PWWP2B: variants seen among roughly 807,000 people sequenced by gnomAD.
PWWP2B encodes PWWP domain containing 2B, also known as PWWP domain-containing protein 2B.
PWWP2B carries 9 observed loss-of-function variants against 15.5 expected under a neutral mutation model. The observed-to-expected ratio is 0.58, with a 90% CI of 0.35 to 1.02. The LOEUF is 1.02. PWWP2B is among the 50% of genes least tolerant of loss of function. The pLI is 0.02. For missense variants in PWWP2B, 864 were observed against 865.3 expected, an observed-to-expected ratio of 1.00 and a Z score of 0.02; for synonymous variants, 474 against 403.6, an observed-to-expected ratio of 1.17 and a Z score of -2.09.
intron 1 of PWWP2B, among the ~76,000 whole-genome samples, chr10:132,401,634 C>T (rs1373016020): frequency 6.6e-6 from 1 of 152,260 alleles, no homozygotes; most frequent in Non-Finnish European, 1.5e-5. Context: ...AAGGACCACT[C>T]TTCACGTCCC....
At chr10:132,409,958 G>C (rs1381103051) in intron 2 of PWWP2B, among the ~76,000 whole-genome samples, 1 of 152,160 alleles carries the variant, frequency 6.6e-6, no homozygotes, top group Non-Finnish European at 1.5e-5. Flanking sequence ...TGTTCCAGGG[G>C]TTGCGGAGGT....
chr10:132,402,107 G>A (rs562777861), intron 1 of PWWP2B, among the ~76,000 whole-genome samples: 26 of 152,366 alleles, frequency 1.7e-4, no homozygotes, highest in African/African-American at 6.0e-4. Context: ...GGTCCCAAAG[G>A]GGATGGCAAA....
In PWWP2B at chr10:132,412,315, T is replaced by G. The variant is rs368464315; in HGVS notation, c.*17-4746T>G. ...GCGGACCTGTTGCCAGACCTCCTACTTGCTTCCTGGGTCTCACCTTCAGCT... is the reference window on the plus strand; with the variant it reads ...GCGGACCTGTTGCCAGACCTCCTACGTGCTTCCTGGGTCTCACCTTCAGCT... On this transcript the variant is annotated intron_variant, in intron 2 of 2. Coordinates refer to ENST00000305233, the MANE Select transcript of PWWP2B (RefSeq NM_138499.4). Among the ~76,000 whole-genome samples, 34 of 152,334 alleles carry G rather than the reference T, an allele frequency of 2.2e-4. No homozygotes were observed. In the South Asian group the frequency reaches 7.0e-3, roughly 32 times the overall value.
chr10:132,403,547 G>T (rs1265698587), intron 1 of PWWP2B, among the ~76,000 whole-genome samples: 1 of 152,250 alleles, frequency 6.6e-6, no homozygotes, highest in Non-Finnish European at 1.5e-5. Context: ...CGGGGACATT[G>T]GCTGCACTTG....
Position 132,417,762 on chromosome 10 carries a change from A to G in PWWP2B, c.*718A>G, listed in dbSNP as rs992349262. 3 of 152,312 alleles carry G rather than the reference A, an allele frequency of 2.0e-5. No homozygotes were observed. Among genetic ancestry groups the G allele is most frequent in the African/African-American group, 4.8e-5 (2 of 41,474 alleles). The allele number at this position is 152,312 out of a possible 1,614,324, so 9.4% of individuals were successfully genotyped here. A position where few individuals can be genotyped will look rare whatever the true frequency, so the allele number is the denominator to read the frequency against. The stretch of plus-strand genomic sequence containing the variant: ...CTGGGAAACCGGGCTTCAACAGTAC[A>G]AGGAAAAGAAACTTGCTCTGTTTTG... On this transcript the variant is annotated 3_prime_UTR_variant, in exon 3 of 3. Coordinates refer to ENST00000305233, the MANE Select transcript of PWWP2B (RefSeq NM_138499.4).
At chr10:132,407,050 C>T (rs536175085) in intron 2 of PWWP2B, among the ~76,000 whole-genome samples, 6 of 152,218 alleles carry the variant, frequency 3.9e-5, no homozygotes, top group Middle Eastern at 6.8e-3. Flanking sequence ...GGGGGCACTA[C>T]GCTGTGTGGA....
chr10:132,402,958 G>T (rs1012377296), intron 1 of PWWP2B, among the ~76,000 whole-genome samples: 8 of 152,232 alleles, frequency 5.3e-5, no homozygotes, highest in African/African-American at 1.9e-4. Context: ...CGGTCCTGGC[G>T]CCAGCACCTG....
intron 2 of PWWP2B, among the ~76,000 whole-genome samples, chr10:132,416,550 GA>G (rs2069858715): frequency 6.6e-6 from 1 of 152,172 alleles, no homozygotes; most frequent in Admixed American, 6.5e-5. Context: ...ACAGATCTGG[GA>G]AAGGGTTTTC....
At chr10:132,408,042 G>A (rs1001853513) in intron 2 of PWWP2B, among the ~76,000 whole-genome samples, 5 of 152,218 alleles carry the variant, frequency 3.3e-5, no homozygotes, top group African/African-American at 9.6e-5. Context: ...GCTCAGGGCC[G>A]GCTGTGTTTA....
chr10:132,399,419 C>T (rs922392552), intron 1 of PWWP2B, among the ~76,000 whole-genome samples: 20 of 152,260 alleles, frequency 1.3e-4, no homozygotes, highest in African/African-American at 4.1e-4. Context: ...ACACAGGCGC[C>T]GGGATGCAGG....
At chr10:132,415,800 C>T (rs2069845773) in intron 2 of PWWP2B, among the ~76,000 whole-genome samples, 1 of 152,224 alleles carries the variant, frequency 6.6e-6, no homozygotes, top group Non-Finnish European at 1.5e-5. Context: ...TGATTTTAGC[C>T]CATCCATGTA....
At position 132,417,224 on chromosome 10, in the gene PWWP2B, C is replaced by G; in HGVS notation, c.*180C>G. On this transcript the variant is annotated 3_prime_UTR_variant, in exon 3 of 3. Coordinates refer to ENST00000305233, the MANE Select transcript of PWWP2B (RefSeq NM_138499.4). Reference sequence around the variant, plus strand: ...CAGTGTGTCCAGGGAGGGGATGGCCCTGAGCCCAGCGGCTCCTCCCGCTGA... The same window carrying G: ...CAGTGTGTCCAGGGAGGGGATGGCCGTGAGCCCAGCGGCTCCTCCCGCTGA... The G allele has an allele frequency of 1.2e-6, 1 of 843,584 alleles. No individual in the cohort carries two copies. Among genetic ancestry groups the G allele is most frequent in the Non-Finnish European group, 2.0e-6 (1 of 508,794 alleles). The allele number at this position is 843,584 out of a possible 1,614,324, so 52.3% of individuals were successfully genotyped here.
At chr10:132,409,723 G>A (rs2069753560) in intron 2 of PWWP2B, among the ~76,000 whole-genome samples, 1 of 151,312 alleles carries the variant, frequency 6.6e-6, no homozygotes, top group South Asian at 2.1e-4. Context: ...GGAGGGCTGT[G>A]AATCACCAGT....
At chr10:132,412,461 C>G (rs2069793915) in intron 2 of PWWP2B, among the ~76,000 whole-genome samples, 2 of 152,282 alleles carry the variant, frequency 1.3e-5, no homozygotes, top group Admixed American at 6.5e-5. Context: ...ACTCTCTTAC[C>G]AGGACCCCTT....
intron 1 of PWWP2B, among the ~76,000 whole-genome samples, chr10:132,399,725 G>A (rs2069590815): frequency 6.6e-6 from 1 of 152,272 alleles, no homozygotes; most frequent in South Asian, 2.1e-4. Flanking sequence ...TCCTTCCAGA[G>A]CATCGATGAC....
At chr10:132,399,735 C>T (rs2069591008) in intron 1 of PWWP2B, among the ~76,000 whole-genome samples, 1 of 152,276 alleles carries the variant, frequency 6.6e-6, no homozygotes, top group Admixed American at 6.5e-5. Context: ...GCATCGATGA[C>T]ACAAGCCTTG....
intron 1 of PWWP2B, among the ~76,000 whole-genome samples, chr10:132,398,692 G>A (rs535295167): frequency 1.3e-5 from 2 of 152,314 alleles, no homozygotes; most frequent in South Asian, 2.1e-4. Flanking sequence ...CTACACCACC[G>A]CCTCCCCTTC....
intron 2 of PWWP2B, among the ~76,000 whole-genome samples, chr10:132,410,627 T>C (rs1386217573): frequency 6.6e-6 from 1 of 151,864 alleles, no homozygotes; most frequent in Non-Finnish European, 1.5e-5. Context: ...TGAGGGCCAA[T>C]GGGGACACCT....
chr10:132,411,465 C>A (rs529547028), intron 2 of PWWP2B, among the ~76,000 whole-genome samples: 1 of 152,250 alleles, frequency 6.6e-6, no homozygotes, highest in Non-Finnish European at 1.5e-5. Context: ...GGGCACAGCC[C>A]AGGGTCCACC....
Sources: gnomAD v4.1 joint callset for allele counts (sites outside exome capture counted in the v4.1 genomes callset) on GRCh38, gnomAD v4.1.1 for gene constraint, MANE v1.5 for transcripts, NCBI Gene and HGNC (gene_info 2026-07-23, HGNC 2026-07-21) for gene names.